The following STAG1 variants were observed in gnomAD, a reference collection of about 807,000 sequenced individuals.
The protein encoded by STAG1 is STAG1 cohesin complex component, also known as cohesin subunit SA-1.
A neutral mutation model predicts 170.9 loss-of-function variants in STAG1; 26 were observed. The observed-to-expected ratio is 0.15, with a 90% CI of 0.11 to 0.21. The LOEUF is 0.21. Among genes scored for constraint, STAG1 ranks in the 10% least tolerant of loss-of-function variants. The probability of loss-of-function intolerance (pLI) is 1.00; values close to 1 mark genes in which losing one functional copy is unlikely to be tolerated. For synonymous variants in STAG1, 514 were observed against 497.7 expected, an observed-to-expected ratio of 1.03 and a Z score of -0.44; for missense variants, 964 against 1,509.5, an observed-to-expected ratio of 0.64 and a Z score of 5.99.
At chr3:136,490,511 T>C (rs201448318) in intron 9 of STAG1, among the ~76,000 whole-genome samples, 8 of 152,318 alleles carry the variant, frequency 5.3e-5, no homozygotes, top group African/African-American at 1.9e-4. Context: ...TACGCCTTAA[T>C]ATTTTACTAT....
intron 5 of STAG1, among the ~76,000 whole-genome samples, chr3:136,564,425 C>T (rs1936975456): frequency 6.6e-6 from 1 of 152,126 alleles, no homozygotes; most frequent in Admixed American, 6.5e-5. Flanking sequence ...AAACTTGTGC[C>T]AATCTGATAG....
chr3:136,474,255 C>G, intron 10 of STAG1, among the ~76,000 whole-genome samples: 1 of 152,130 alleles, frequency 6.6e-6, no homozygotes, highest in Non-Finnish European at 1.5e-5. Context: ...AGACAAGTCT[C>G]TCAAAAGATT....
intron 28 of STAG1, among the ~76,000 whole-genome samples, chr3:136,351,395 C>CAAAA (rs1936429279): frequency 6.6e-6 from 1 of 151,938 alleles, no homozygotes; most frequent in African/African-American, 2.4e-5. Flanking sequence ...TCTGTTTATC[C>CAAAA]ATTAAGCATA....
Position 136,433,569 on chromosome 3 carries a change from C to T in STAG1, c.1637G>A (p.Gly546Asp). 6.3e-7 allele frequency: 1 copy of T among 1,599,974 alleles called. No homozygotes were observed. Among genetic ancestry groups the T allele is most frequent in the Non-Finnish European group, 8.5e-7 (1 of 1,174,794 alleles). ...AATGTAACTTACTCTCTTGCCGGTA[C>T]CCCTTCCCACTGGAGGATGTGCCTC... is the stretch of plus-strand genomic sequence containing the variant. ...AAEAHPPVGR[G>D]TGKRVLTAKE... Residue 546 changes from glycine to aspartate, a missense_variant, in exon 16 of 34, where the codon GGT becomes GAT. Transcript: ENST00000383202.
intron 13 of STAG1, among the ~76,000 whole-genome samples, chr3:136,463,732 T>C (rs769254273): frequency 2.5e-4 from 17 of 67,422 alleles, no homozygotes; most frequent in Admixed American, 3.9e-4. Flanking sequence ...AAAAAATGTG[T>C]ATATGTGTGT....
At chr3:136,525,202 T>C (rs1180296099) in intron 6 of STAG1, among the ~76,000 whole-genome samples, 3 of 152,228 alleles carry the variant, frequency 2.0e-5, no homozygotes, top group Admixed American at 6.5e-5. Flanking sequence ...CTGGTGGAAT[T>C]TGGCTGTGAA....
chr3:136,377,636 GA>G, intron 23 of STAG1, 23 bp downstream of exon 23: 1 of 1,576,340 alleles, frequency 6.3e-7, no homozygotes, highest in South Asian at 1.1e-5. Flanking sequence ...ATTTTATTGA[GA>G]GCTCTTACTG....
chr3:136,614,189 G>A (rs1012680078), intron 3 of STAG1, among the ~76,000 whole-genome samples: 1 of 152,050 alleles, frequency 6.6e-6, no homozygotes, highest in African/African-American at 2.4e-5. Flanking sequence ...GCACTCCAGC[G>A]TGGGCAACAG....
At chr3:136,489,680 T>A (rs529087398) in intron 9 of STAG1, among the ~76,000 whole-genome samples, 2 of 152,230 alleles carry the variant, frequency 1.3e-5, no homozygotes, top group South Asian at 2.1e-4. Context: ...ATAGAATAAT[T>A]ATAGAGAATT....
chr3:136,664,895 AT>A (rs1158307801), intron 1 of STAG1, among the ~76,000 whole-genome samples: 1 of 152,204 alleles, frequency 6.6e-6, no homozygotes, highest in African/African-American at 2.4e-5. Flanking sequence ...AAGAAAAGAT[AT>A]TTTTTTAAAA....
At chr3:136,456,194 C>T (rs2089106799) in intron 13 of STAG1, among the ~76,000 whole-genome samples, 1 of 152,152 alleles carries the variant, frequency 6.6e-6, no homozygotes, top group East Asian at 1.9e-4. Context: ...TATGAAATGT[C>T]TGACAGGCAA....
Position 136,567,390 on chromosome 3 carries a change from C to T in STAG1, c.394+1375G>A, listed in dbSNP as rs76988204. ...TACAATTCAGCCACAGAATCCTCTACGTCCCGGACTGAACCATGCTTTCTT... is the reference window on the plus strand; with the variant it reads ...TACAATTCAGCCACAGAATCCTCTATGTCCCGGACTGAACCATGCTTTCTT... On this transcript the variant is annotated intron_variant, in intron 5 of 33. Coordinates refer to ENST00000383202, the MANE Select transcript of STAG1 (RefSeq NM_005862.3). 3.9e-5 allele frequency among the ~76,000 whole-genome samples: 6 copies of T among 152,370 alleles called. No individual in the cohort carries two copies. In the East Asian group the frequency reaches 9.6e-4, roughly 24 times the overall value.
At chr3:136,693,738 A>ATT (rs36012928) in intron 1 of STAG1, among the ~76,000 whole-genome samples, 3 of 147,126 alleles carry the variant, frequency 2.0e-5, no homozygotes, top group African/African-American at 7.5e-5. Context: ...TCAGCTAATT[A>ATT]TTTTTTTTTT....
At chr3:136,541,295 T>C (rs1368991317) in intron 6 of STAG1, among the ~76,000 whole-genome samples, 1 of 152,106 alleles carries the variant, frequency 6.6e-6, no homozygotes, top group African/African-American at 2.4e-5. Context: ...AAAAGGCAGA[T>C]TGTTAAAACT....
At chr3:136,586,461 C>T (rs963567333) in intron 4 of STAG1, among the ~76,000 whole-genome samples, 4 of 152,114 alleles carry the variant, frequency 2.6e-5, no homozygotes, top group Non-Finnish European at 5.9e-5. Context: ...TCAGCAAGTA[C>T]AGAAAAATAA....
intron 1 of STAG1, among the ~76,000 whole-genome samples, chr3:136,663,590 T>TAG (rs1272215820): frequency 6.6e-6 from 1 of 152,192 alleles, no homozygotes; most frequent in Admixed American, 6.5e-5. Context: ...GCTCCTCATG[T>TAG]AGATATAGCA....
At chr3:136,513,055 G>A (rs1324415029) in intron 7 of STAG1, among the ~76,000 whole-genome samples, 2 of 152,098 alleles carry the variant, frequency 1.3e-5, no homozygotes, top group Non-Finnish European at 2.9e-5. Flanking sequence ...TTCAAAAAAG[G>A]GAGACTTGGG....
intron 28 of STAG1, among the ~76,000 whole-genome samples, chr3:136,355,394 C>A (rs964931578): frequency 5.3e-4 from 47 of 88,786 alleles, no homozygotes; most frequent in African/African-American, 1.9e-3. Context: ...ATACACCTAA[C>A]AAGAGAGCCC....
intron 1 of STAG1, among the ~76,000 whole-genome samples, chr3:136,659,623 T>C (rs917733422): frequency 2.6e-5 from 4 of 152,316 alleles, no homozygotes; most frequent in Non-Finnish European, 4.4e-5. Flanking sequence ...AACTACTTCG[T>C]AATAAAAGGA....
Sources: allele counts gnomAD v4.1 joint callset (sites outside exome capture counted in the v4.1 genomes callset), GRCh38; gene constraint gnomAD v4.1.1; transcripts MANE v1.5; gene names NCBI Gene and HGNC (gene_info 2026-07-23, HGNC 2026-07-21).